CISH: variants seen among roughly 807,000 people sequenced by gnomAD.
The protein encoded by CISH is cytokine-inducible SH2-containing protein.
A neutral mutation model predicts 21.3 loss-of-function variants in CISH; 11 were observed. That is an observed-to-expected ratio of 0.52 (90% CI 0.32 to 0.85). CISH has a LOEUF of 0.85. CISH is among the 40% of genes least tolerant of loss of function. The pLI is 0.03. For missense variants in CISH, 280 were observed against 351.7 expected, an observed-to-expected ratio of 0.80 and a Z score of 1.63; for synonymous variants, 118 against 142.3, an observed-to-expected ratio of 0.83 and a Z score of 1.22.
chr3:50,611,565 A>G, intron 1 of CISH, 66 bp downstream of exon 1: 1 of 1,525,254 alleles, frequency 6.6e-7, no homozygotes, highest in Non-Finnish European at 8.8e-7. Flanking sequence ...GGCAGCTAGC[A>G]CGAAGCCCCT....
chr3:50,610,581 TC>T lies in CISH; in HGVS notation c.20+1049del, dbSNP rs1575987185. On this transcript the variant is annotated intron_variant, in intron 1 of 2. Coordinates refer to ENST00000348721, the MANE Select transcript of CISH (RefSeq NM_145071.4). ...GGGACCCCGGAATGCAGGGGGAGGC[TC>T]CTGGGGTGGAAGGCAGTGGTGGGGC... is the stretch of plus-strand genomic sequence containing the variant. The T allele has an allele frequency of 2.0e-6, 3 of 1,490,850 alleles. No individual in the cohort carries two copies. The East Asian group carries it at 7.5e-5, about 37-fold the overall frequency. The allele number at this position is 1,490,850 out of a possible 1,614,324, so 92.4% of individuals were successfully genotyped here. A position where few individuals can be genotyped will look rare whatever the true frequency, so the allele number is the denominator to read the frequency against.
chr3:50,608,128 A>T lies in CISH; in HGVS notation c.256T>A (p.Ser86Thr). 1.2e-6 allele frequency: 2 copies of T among 1,605,906 alleles called. No individual in the cohort carries two copies. Among genetic ancestry groups the T allele is most frequent in the South Asian group, 1.1e-5 (1 of 90,422 alleles). Residue 86 changes from serine (S) to threonine (T), a missense_variant, in exon 3 of 3, where the codon TCC becomes ACC. Coordinates refer to ENST00000348721, the MANE Select transcript of CISH (RefSeq NM_145071.4). Reference protein sequence around the residue: ...YLRESGWYWGSITASEARQHL... With the variant: ...YLRESGWYWGTITASEARQHL... ...TGTCGGGCCTCGCTGGCCGTAATGGAACCCCAATACCAGCCTAGGCAAGTG... is the reference window on the plus strand; with the variant it reads ...TGTCGGGCCTCGCTGGCCGTAATGGTACCCCAATACCAGCCTAGGCAAGTG...
chr3:50,610,833 C>CA (rs1559479337), intron 1 of CISH: 13 of 1,086,684 alleles, frequency 1.2e-5, no homozygotes, highest in Non-Finnish European at 1.5e-5. Flanking sequence ...TCCTGAGCTC[C>CA]TGTCACATCA....
At chr3:50,611,476 C>T in intron 1 of CISH, 155 bp downstream of exon 1, 1 of 1,432,310 alleles carries the variant, frequency 7.0e-7, no homozygotes, top group Non-Finnish European at 9.1e-7. Context: ...GTGGGAGTGT[C>T]ACAGCCCCAC....
At chr3:50,610,422 G>A (rs1472385649) in intron 1 of CISH, 4 of 1,551,506 alleles carry the variant, frequency 2.6e-6, no homozygotes, top group Non-Finnish European at 3.5e-6. Context: ...TGGGGACAGT[G>A]GCTGGTGTGT....
Position 50,611,742 on chromosome 3 carries a change from G to A in CISH, c.-92C>T, listed in dbSNP as rs2032334053. On this transcript the variant is annotated 5_prime_UTR_variant, in exon 1 of 3. Transcript: ENST00000348721. ...TGGGCGCGGAGCGCGTGCTGGGTAG[G>A]CTCCCGGGGCGCGCGGGCGCAGGAC... is the stretch of plus-strand genomic sequence containing the variant. 7.2e-7 allele frequency: 1 copy of A among 1,390,486 alleles called. No individual in the cohort carries two copies. The highest frequency in any genetic ancestry group is 9.3e-7 in the Non-Finnish European group (1 of 1,073,764). The allele number at this position is 1,390,486 out of a possible 1,614,324, so 86.1% of individuals were successfully genotyped here.
At chr3:50,608,865 T>C (rs2032241930) in intron 1 of CISH, 5 of 392,878 alleles carry the variant, frequency 1.3e-5, no homozygotes, top group Non-Finnish European at 1.8e-5. Context: ...AATTAATTGC[T>C]CTCTATTTTA....
chr3:50,608,199 TC>T, intron 2 of CISH, 57 bp from the exon 3 acceptor site: 1 of 1,560,002 alleles, frequency 6.4e-7, no homozygotes, highest in Non-Finnish European at 8.7e-7. Context: ...GGGTAACCAA[TC>T]CAGTGCAAGT....
chr3:50,610,986 T>C (rs780506493), intron 1 of CISH: 24 of 991,424 alleles, frequency 2.4e-5, no homozygotes, highest in Non-Finnish European at 2.9e-5. Context: ...TCTGGGAAAT[T>C]TGAAGATGAG....
intron 2 of CISH, 101 bp downstream of exon 2, chr3:50,608,271 CT>C: frequency 6.8e-7 from 1 of 1,463,546 alleles, no homozygotes; most frequent in African/African-American, 1.4e-5. Flanking sequence ...CCATCAGACT[CT>C]CCTGGGCCGG....
rs2032209975 is a variant in CISH, at chr3:50,608,036, G to A, written c.348C>T (p.Phe116=). Reference sequence around the variant, plus strand: ...CACGAGTGGTTTTCACTGACAGCGTGAACAGGTAGCTGGGGTGCGTGCTGT... The same window carrying A: ...CACGAGTGGTTTTCACTGACAGCGTAAACAGGTAGCTGGGGTGCGTGCTGT... The part of the protein sequence containing the change: ...VRDSTHPSYL[F]TLSVKTTRGP... Residue 116 remains phenylalanine (F), a synonymous_variant, in exon 3 of 3, where the codon TTC becomes TTT. Coordinates refer to ENST00000348721, the MANE Select transcript of CISH (RefSeq NM_145071.4). The A allele has an allele frequency of 1.2e-6, 2 of 1,614,004 alleles. No homozygotes were observed. Among genetic ancestry groups the A allele is most frequent in the South Asian group, 2.2e-5 (2 of 91,084 alleles).
chr3:50,608,878 T>C (rs1322356541), intron 1 of CISH: 2 of 376,708 alleles, frequency 5.3e-6, no homozygotes, highest in Non-Finnish European at 9.4e-6. Flanking sequence ...CTATTTTATA[T>C]CAACCAAAAA....
chr3:50,607,906 C>G lies in CISH; in HGVS notation c.478G>C (p.Val160Leu). 1 of 1,613,838 alleles carries G rather than the reference C, an allele frequency of 6.2e-7. No homozygotes were observed. Among genetic ancestry groups the G allele is most frequent in the Non-Finnish European group, 8.5e-7 (1 of 1,180,018 alleles). Reference sequence around the variant, plus strand: ...GTGCAGGAGGCCACATAGTGCTGCACAAGGCTGACCACATCCGGAAAGGCC... The same window carrying G: ...GTGCAGGAGGCCACATAGTGCTGCAGAAGGCTGACCACATCCGGAAAGGCC... ...ILAFPDVVSL[V>L]QHYVASCTAD... Residue 160 changes from valine to leucine, a missense_variant, in exon 3 of 3, where the codon GTG becomes CTG. Physicochemically the swap from Val to Leu is conservative, Grantham distance 32. Transcript: ENST00000348721.
chr3:50,608,496 C>G lies in CISH; in HGVS notation c.118G>C (p.Gly40Arg). The G allele has an allele frequency of 6.2e-7, 1 of 1,612,510 alleles. No homozygotes were observed. Among genetic ancestry groups the G allele is most frequent in the South Asian group, 1.1e-5 (1 of 90,890 alleles). ...TCTGCCACCTCCTCGAGGAAGGCCC[C>G]AGCAGGCAAGGGCTGCATGACTGGC... ...PKPVMQPLPAGAFLEEVAEGT... is the reference protein window; with the variant it reads ...PKPVMQPLPARAFLEEVAEGT... Residue 40 changes from glycine (G) to arginine (R), a missense_variant, in exon 2 of 3, where the codon GGG becomes CGG. Transcript: ENST00000348721.
At chr3:50,610,883 G>A (rs1199632982) in intron 1 of CISH, 1 of 1,047,626 alleles carries the variant, frequency 9.5e-7, no homozygotes, top group South Asian at 3.3e-5. Flanking sequence ...AGGGGTTGCT[G>A]AGGTTCAGGA....
chr3:50,607,324 G>C lies in CISH; in HGVS notation c.*283C>G, dbSNP rs1304608184. 3 of 454,202 alleles carry C rather than the reference G, an allele frequency of 6.6e-6. No homozygotes were observed. The East Asian group carries it at 1.1e-4, about 17-fold the overall frequency. The allele number at this position is 454,202 out of a possible 1,614,324, so 28.1% of individuals were successfully genotyped here. ...AGGGCAGGCAAGCGAGTGGAGGTCT[G>C]GGCCCAGCCCACAGGTGAGACAAGG... On this transcript the variant is annotated 3_prime_UTR_variant, in exon 3 of 3. Coordinates refer to ENST00000348721, the MANE Select transcript of CISH (RefSeq NM_145071.4).
At chr3:50,611,560 C>T (rs1480882190) in intron 1 of CISH, 71 bp downstream of exon 1, 2 of 1,524,236 alleles carry the variant, frequency 1.3e-6, no homozygotes, top group Non-Finnish European at 1.8e-6. Flanking sequence ...TGCCCGGCAG[C>T]TAGCACGAAG....
At chr3:50,609,924 T>C (rs1052536260) in intron 1 of CISH, 35 of 165,882 alleles carry the variant, frequency 2.1e-4, no homozygotes, top group Non-Finnish European at 1.9e-4. Context: ...GCGCCAGTAT[T>C]GCTTGTGAGG....
Position 50,611,764 on chromosome 3 carries a change from G to T in CISH, c.-114C>A. The stretch of plus-strand genomic sequence containing the variant: ...TAGGCTCCCGGGGCGCGCGGGCGCA[G>T]GACAGGGACTGAGAGGCAGTGGCGC... On this transcript the variant is annotated 5_prime_UTR_variant, in exon 1 of 3. The change creates a new upstream start codon in the 5' untranslated region. Transcript: ENST00000348721. 1 of 1,350,422 alleles carries T rather than the reference G, an allele frequency of 7.4e-7. No individual in the cohort carries two copies. Among genetic ancestry groups the T allele is most frequent in the Admixed American group, 3.9e-5 (1 of 25,348 alleles). The allele number at this position is 1,350,422 out of a possible 1,614,324, so 83.7% of individuals were successfully genotyped here.
Sources: allele counts gnomAD v4.1 joint callset, GRCh38; gene constraint gnomAD v4.1.1; transcripts MANE v1.5; gene names NCBI Gene and HGNC (gene_info 2026-07-23, HGNC 2026-07-21).